The following GALNS variants were observed in gnomAD, a reference collection of about 807,000 sequenced individuals.
GALNS encodes galactosamine (N-acetyl)-6-sulfatase.
A neutral mutation model predicts 65.9 loss-of-function variants in GALNS; 65 were observed. The observed-to-expected ratio is 0.99, with a 90% CI of 0.81 to 1.21. The LOEUF (loss-of-function observed/expected upper bound fraction) is 1.21, where lower values mean the gene tolerates loss of function less well. Ranked by LOEUF, GALNS falls within the 50% of genes most tolerant of loss-of-function variation. GALNS has a pLI of 0.00. For missense variants in GALNS, 776 were observed against 700.7 expected (o/e 1.11, Z -1.21); for synonymous variants, 346 against 288.9 (o/e 1.20, Z -2.00).
chr16:88,836,233 C>T lies in GALNS; in HGVS notation c.601G>A (p.Gly201Arg), dbSNP rs773509699. The stretch of plus-strand genomic sequence containing the variant: ...TAGATCTGGGTGAGGTTGGCTTCCC[C>T]CGTCTTCAGATTAATAGGAAATTCT... ...YEEFPINLKT[G>R]EANLTQIYLQ... Residue 201 changes from glycine (G) to arginine (R), a missense_variant, in exon 6 of 14, where the codon GGG becomes AGG. Gly to Arg is a moderately radical substitution (Grantham distance 125). Transcript: ENST00000268695. The T allele has an allele frequency of 8.1e-6, 13 of 1,613,406 alleles. No homozygotes were observed. Among genetic ancestry groups the T allele is most frequent in the Admixed American group, 1.7e-5 (1 of 59,984 alleles).
chr16:88,823,194 G>A (rs937495104), intron 11 of GALNS, among the ~76,000 whole-genome samples: 1 of 152,204 alleles, frequency 6.6e-6, no homozygotes, highest in Admixed American at 6.5e-5. Context: ...TGCCCTGGGA[G>A]AAGGGAGAGC....
At chr16:88,817,091 G>A in intron 13 of GALNS, 2 of 985,468 alleles carry the variant, frequency 2.0e-6, no homozygotes, top group Non-Finnish European at 2.4e-6. Context: ...CTGCCCTGCT[G>A]GGACCCACAT....
Position 88,818,114 on chromosome 16 carries a change from C to A in GALNS, c.1375G>T (p.Ala459Ser). The change falls in exon 13 of 14, where the codon GCC becomes TCC. Residue 459 changes from alanine to serine, a missense_variant. Coordinates refer to ENST00000268695, the MANE Select transcript of GALNS (RefSeq NM_000512.5). ...CTGCTGAGGGCCTCCTGGTACTCGG[C>A]GCTGGCAAAGCTGGGGACAGAGAGC... ...GERFPLSFASAEYQEALSRIT... is the reference protein window; with the variant it reads ...GERFPLSFASSEYQEALSRIT... The A allele has an allele frequency of 3.2e-6, 5 of 1,572,806 alleles. No individual in the cohort carries two copies. The highest frequency in any genetic ancestry group is 3.4e-6 in the Non-Finnish European group (4 of 1,166,882).
intron 1 of GALNS, chr16:88,855,381 G>A (rs768024791): frequency 1.0e-4 from 70 of 702,568 alleles, no homozygotes; most frequent in Admixed American, 7.6e-4. Flanking sequence ...CTGGCCCAGA[G>A]GAACTTCAAA....
At chr16:88,855,561 G>C in intron 1 of GALNS, 1 of 694,176 alleles carries the variant, frequency 1.4e-6, no homozygotes, top group Non-Finnish European at 2.6e-6. Context: ...AAAAGCAGCT[G>C]CCCAGGACTG....
chr16:88,841,808 C>T (rs1966985117), intron 3 of GALNS, 89 bp downstream of exon 3: 5 of 1,208,274 alleles, frequency 4.1e-6, no homozygotes, highest in Non-Finnish European at 3.6e-6. Flanking sequence ...CAGCTTGCCA[C>T]CCGAGTCCCG....
chr16:88,825,820 T>A (rs1429245188), intron 10 of GALNS, among the ~76,000 whole-genome samples: 1 of 151,990 alleles, frequency 6.6e-6, no homozygotes, highest in Non-Finnish European at 1.5e-5. Flanking sequence ...TTGTGCCAGG[T>A]CTCGAGAGGG....
intron 12 of GALNS, among the ~76,000 whole-genome samples, chr16:88,821,993 C>T (rs188276118): frequency 0.014 from 2,149 of 150,032 alleles, 44 homozygotes; most frequent in East Asian, 0.081. Context: ...TGGGTTCGGA[C>T]AAAAAAAAAG....
intron 9 of GALNS, 34 bp from the exon 10 acceptor site, chr16:88,826,872 T>C: frequency 6.4e-7 from 1 of 1,555,482 alleles, no homozygotes; most frequent in Non-Finnish European, 8.7e-7. Flanking sequence ...GTCAGGGCAC[T>C]CTGCACCGAC....
chr16:88,841,978 G>C lies in GALNS; in HGVS notation c.245-7C>G, dbSNP rs111553117. On this transcript the variant is annotated splice_polypyrimidine_tract_variant and splice_region_variant and intron_variant, in intron 2 of 13. Coordinates refer to ENST00000268695, the MANE Select transcript of GALNS (RefSeq NM_000512.5). ...GTGAGCAGTGCCGCCCTCGCTATGT[G>C]GAGGTGACAGAAACAGAAACTGGAT... The C allele has an allele frequency of 6.2e-7, 1 of 1,609,784 alleles. No homozygotes were observed. The highest frequency in any genetic ancestry group is 8.5e-7 in the Non-Finnish European group (1 of 1,177,978).
intron 1 of GALNS, chr16:88,843,423 C>A: frequency 2.8e-6 from 1 of 360,750 alleles, no homozygotes; most frequent in Non-Finnish European, 5.4e-6. Context: ...AAGGCAGGAG[C>A]ACCCTGAGCG....
At chr16:88,823,520 C>A (rs1322924438) in intron 11 of GALNS, among the ~76,000 whole-genome samples, 5 of 138,126 alleles carry the variant, frequency 3.6e-5, no homozygotes, top group African/African-American at 1.4e-4. Context: ...GGACGGCCCT[C>A]GCAGGCGGCA....
At chr16:88,821,848 G>T (rs993767188) in intron 12 of GALNS, among the ~76,000 whole-genome samples, 1 of 152,190 alleles carries the variant, frequency 6.6e-6, no homozygotes, top group Non-Finnish European at 1.5e-5. Context: ...GGACCAACTC[G>T]ATAGGGCAGG....
chr16:88,814,560 T>G, intron 13 of GALNS, 35 bp from the exon 14 acceptor site: 1 of 1,549,778 alleles, frequency 6.5e-7, no homozygotes, highest in Non-Finnish European at 8.7e-7. Context: ...GAACATGCAG[T>G]TATTCAAGCT....
At position 88,818,434 on chromosome 16, in the gene GALNS, A is replaced by G. The variant is rs59431790; in HGVS notation, c.1365-310T>C. Among the ~76,000 whole-genome samples, 6,946 of 152,308 alleles carry G rather than the reference A, an allele frequency of 0.046. 545 individuals are homozygous for G. The highest frequency in any genetic ancestry group is 0.16 in the African/African-American group (6,603 of 41,552). Reference sequence around the variant, plus strand: ...CCTGCCTGTGACCAGGACCCGGGATATGTGGGCTGGGGCCTGTGGGTCTCC... The same window carrying G: ...CCTGCCTGTGACCAGGACCCGGGATGTGTGGGCTGGGGCCTGTGGGTCTCC... On this transcript the variant is annotated intron_variant, in intron 12 of 13. Coordinates refer to ENST00000268695, the MANE Select transcript of GALNS (RefSeq NM_000512.5).
At position 88,836,217 on chromosome 16, in the gene GALNS, G is replaced by A. The variant is rs1185298514; in HGVS notation, c.617C>T (p.Thr206Ile). ...CCCCATCACCTGCAGGTAGATCTGG[G>A]TGAGGTTGGCTTCCCCCGTCTTCAG... ...INLKTGEANL[T>I]QIYLQEALDF... Residue 206 changes from threonine to isoleucine, a missense_variant, in exon 6 of 14, where the codon ACC becomes ATC. Transcript: ENST00000268695. The A allele has an allele frequency of 6.2e-7, 1 of 1,613,442 alleles. No individual in the cohort carries two copies. Among genetic ancestry groups the A allele is most frequent in the African/African-American group, 1.3e-5 (1 of 74,948 alleles).
chr16:88,835,257 A>G lies in GALNS; in HGVS notation c.854T>C (p.Phe285Ser), dbSNP rs1351256518. 6.2e-7 allele frequency: 1 copy of G among 1,609,036 alleles called. No individual in the cohort carries two copies. Among genetic ancestry groups the G allele is most frequent in the African/African-American group, 1.3e-5 (1 of 74,826 alleles). The change falls in exon 8 of 14, where the codon TTC becomes TCC. Residue 285 changes from phenylalanine to serine, a missense_variant. Phe to Ser is a radical substitution (Grantham distance 155). Transcript: ENST00000268695. ...LHVADNTFVF[F>S]TSDNGAALIS... ...GAGGGCAGCGCCGTTGTCCGACGTG[A>G]AGAAGACGAAGGTGTTGTCCGCGAC...
In GALNS at chr16:88,837,726, G is replaced by A. The variant is rs573033985; in HGVS notation, c.462C>T (p.His154=). 151 of 1,613,844 alleles carry A rather than the reference G, an allele frequency of 9.4e-5. No individual in the cohort carries two copies. Among genetic ancestry groups the A allele is most frequent in the Non-Finnish European group, 1.2e-4 (144 of 1,180,012 alleles). Residue 154 remains histidine (H), a synonymous_variant, in exon 5 of 14, where the codon CAC becomes CAT. Coordinates refer to ENST00000268695, the MANE Select transcript of GALNS (RefSeq NM_000512.5). ...GHRPQFHPLK[H]GFDEWFGSPN... Reference sequence around the variant, plus strand: ...GGGATCCAAACCACTCATCAAATCCGTGCTTCAGGGGGTGGAACTGGGGCC... The same window carrying A: ...GGGATCCAAACCACTCATCAAATCCATGCTTCAGGGGGTGGAACTGGGGCC...
chr16:88,842,945 G>A, intron 1 of GALNS, 116 bp from the exon 2 acceptor site: 1 of 1,538,394 alleles, frequency 6.5e-7, no homozygotes, highest in Non-Finnish European at 8.7e-7. Flanking sequence ...GCACCACCCT[G>A]TGTCCCAGCC....
Sources: gnomAD v4.1 joint callset for allele counts (sites outside exome capture counted in the v4.1 genomes callset) on GRCh38, gnomAD v4.1.1 for gene constraint, MANE v1.5 for transcripts, NCBI Gene and HGNC (gene_info 2026-07-23, HGNC 2026-07-21) for gene names.